RBFOX2: variants seen among roughly 807,000 people sequenced by gnomAD.
RBFOX2 encodes the protein RNA binding protein fox-1 homolog 2.
RBFOX2 carries 10 observed loss-of-function variants against 49.1 expected under a neutral mutation model. That is an observed-to-expected ratio of 0.20 (90% CI 0.13 to 0.35). The LOEUF (loss-of-function observed/expected upper bound fraction) is 0.35, where lower values mean the gene tolerates loss of function less well. Ranked by LOEUF, RBFOX2 falls within the 10% of genes least tolerant of loss-of-function variation. The pLI is 1.00. For missense variants in RBFOX2, 323 were observed against 486.9 expected (o/e 0.66, Z 3.17); for synonymous variants, 183 against 187.4 (o/e 0.98, Z 0.19).
chr22:36,005,976 T>G (rs1250729095), intron 1 of RBFOX2, among the ~76,000 whole-genome samples: 1 of 152,220 alleles, frequency 6.6e-6, no homozygotes, highest in African/African-American at 2.4e-5. Flanking sequence ...CCAGGTTTAG[T>G]TCAAGCTTTC....
At chr22:35,916,670 CG>C (rs1416969494) in intron 1 of RBFOX2, among the ~76,000 whole-genome samples, 1 of 151,874 alleles carries the variant, frequency 6.6e-6, no homozygotes, top group Non-Finnish European at 1.5e-5. Flanking sequence ...CTGACGCGGG[CG>C]GGTCACCTGA....
intron 1 of RBFOX2, among the ~76,000 whole-genome samples, chr22:35,976,343 C>G (rs557600478): frequency 9.2e-5 from 14 of 152,138 alleles, no homozygotes; most frequent in Admixed American, 2.6e-4. Flanking sequence ...ACCACCCCCC[C>G]CTCTTAATTC....
intron 1 of RBFOX2, among the ~76,000 whole-genome samples, chr22:35,899,806 T>C (rs1393232925): frequency 1.3e-5 from 2 of 152,222 alleles, no homozygotes; most frequent in Admixed American, 1.3e-4. Context: ...GAGCATGTTA[T>C]CAGACTTTGT....
intron 1 of RBFOX2, among the ~76,000 whole-genome samples, chr22:35,883,260 G>T (rs752071332): frequency 2.0e-5 from 3 of 152,094 alleles, no homozygotes; most frequent in Non-Finnish European, 4.4e-5. Context: ...TTCTTTTCCT[G>T]TTCAGTCCTA....
At chr22:36,018,031 C>T (rs1427902851) in intron 1 of RBFOX2, among the ~76,000 whole-genome samples, 1 of 152,162 alleles carries the variant, frequency 6.6e-6, no homozygotes, top group African/African-American at 2.4e-5. Flanking sequence ...GGCCAGACCC[C>T]CCAGGGAAAA....
intron 2 of RBFOX2, among the ~76,000 whole-genome samples, chr22:35,806,046 T>C (rs1230953110): frequency 2.0e-5 from 3 of 152,186 alleles, no homozygotes; most frequent in Non-Finnish European, 4.4e-5. Context: ...CTTTTTGTGA[T>C]GCTATAATGC....
chr22:36,003,094 G>A (rs2058493000), intron 1 of RBFOX2, among the ~76,000 whole-genome samples: 2 of 152,136 alleles, frequency 1.3e-5, no homozygotes, highest in African/African-American at 4.8e-5. Flanking sequence ...TTTGTCTTCT[G>A]ACCAGCTTAT....
chr22:35,752,659 TA>T, intron 9 of RBFOX2: 1 of 983,398 alleles, frequency 1.0e-6, no homozygotes, highest in Non-Finnish European at 1.2e-6. Context: ...GACTATTCTA[TA>T]ACAGAACACA....
chr22:35,906,813 C>CCAAACAAA (rs373509728), intron 1 of RBFOX2, among the ~76,000 whole-genome samples: 5 of 151,834 alleles, frequency 3.3e-5, no homozygotes, highest in Admixed American at 2.6e-4. Flanking sequence ...AGACTCTGTC[C>CCAAACAAA]CAAACAAACA....
At chr22:35,880,939 G>A (rs1481968808) in intron 1 of RBFOX2, among the ~76,000 whole-genome samples, 1 of 152,172 alleles carries the variant, frequency 6.6e-6, no homozygotes, top group East Asian at 1.9e-4. Context: ...GTGATTGATG[G>A]TTACTGTAGG....
intron 1 of RBFOX2, among the ~76,000 whole-genome samples, chr22:35,901,299 T>C (rs2048538425): frequency 6.6e-6 from 1 of 152,194 alleles, no homozygotes; most frequent in Non-Finnish European, 1.5e-5. Flanking sequence ...ACTGAAAAAC[T>C]TACCCTGGAT....
At position 35,744,523 on chromosome 22, in the gene RBFOX2, AACAAT is replaced by A. The variant is rs1376234331; in HGVS notation, c.1050-279_1050-275del. ...TTTACATGAATTAGCACAGAAGGGAAACAATACACAGTTGAAAACAAGTTCCGCAA... is the reference window on the plus strand; with the variant it reads ...TTTACATGAATTAGCACAGAAGGGAAACACAGTTGAAAACAAGTTCCGCAA... On this transcript the variant is annotated intron_variant, in intron 11 of 11. Transcript: ENST00000405409. 3.3e-5 allele frequency among the ~76,000 whole-genome samples: 5 copies of A among 152,240 alleles called. No individual in the cohort carries two copies. The East Asian group carries it at 9.6e-4, about 29-fold the overall frequency.
At chr22:35,812,113 T>C (rs1391616333) in intron 1 of RBFOX2, among the ~76,000 whole-genome samples, 2 of 151,908 alleles carry the variant, frequency 1.3e-5, no homozygotes, top group Non-Finnish European at 2.9e-5. Context: ...ATACAAAAAT[T>C]AGCCAAGCAT....
intron 2 of RBFOX2, among the ~76,000 whole-genome samples, chr22:35,803,223 A>C (rs1258976440): frequency 6.6e-6 from 1 of 152,046 alleles, no homozygotes; most frequent in Non-Finnish European, 1.5e-5. Flanking sequence ...AGTCACTACA[A>C]TGCATTACTA....
chr22:35,809,113 TA>T (rs1032675456), intron 2 of RBFOX2, among the ~76,000 whole-genome samples: 8 of 150,872 alleles, frequency 5.3e-5, no homozygotes, highest in African/African-American at 2.0e-4. Flanking sequence ...TAGGCAACAG[TA>T]ATACCGGAAA....
At chr22:35,856,629 GAAAA>G (rs796462267) in intron 1 of RBFOX2, among the ~76,000 whole-genome samples, 1 of 135,262 alleles carries the variant, frequency 7.4e-6, no homozygotes. Context: ...GCCAGGAGGG[GAAAA>G]AAAAAAAAAA....
chr22:36,001,108 A>G (rs1262404320), intron 1 of RBFOX2, among the ~76,000 whole-genome samples: 4 of 152,064 alleles, frequency 2.6e-5, no homozygotes, highest in African/African-American at 9.7e-5. Context: ...CTTCTCAGAA[A>G]GAAGATCCAA....
At chr22:35,950,516 T>C (rs931904460) in intron 1 of RBFOX2, among the ~76,000 whole-genome samples, 5 of 152,214 alleles carry the variant, frequency 3.3e-5, no homozygotes, top group Admixed American at 6.5e-5. Context: ...AACCTTTTCA[T>C]GTTGTCATAT....
chr22:35,768,379 A>G (rs1941665419), intron 4 of RBFOX2, 30 bp from the exon 6 acceptor site: 1 of 1,562,320 alleles, frequency 6.4e-7, no homozygotes, highest in Non-Finnish European at 8.8e-7. Flanking sequence ...GGGGGAAAAC[A>G]TGCACATCGT....
Sources: allele counts gnomAD v4.1 joint callset (sites outside exome capture counted in the v4.1 genomes callset), GRCh38; gene constraint gnomAD v4.1.1; transcripts MANE v1.5; gene names NCBI Gene and HGNC (gene_info 2026-07-23, HGNC 2026-07-21).